Variants in NPR3 observed in about 807,000 individuals in gnomAD.
The protein encoded by NPR3 is natriuretic peptide receptor 3.
NPR3 carries 34 observed loss-of-function variants against 54.5 expected under a neutral mutation model. The observed-to-expected ratio is 0.62, with a 90% confidence interval of 0.47 to 0.83. The LOEUF (loss-of-function observed/expected upper bound fraction) is 0.83. Among genes scored for constraint, NPR3 ranks in the 40% least tolerant of loss-of-function variants. The pLI, the probability that NPR3 is intolerant of heterozygous loss-of-function variation, is 0.00. For missense variants in NPR3, 674 were observed against 720.8 expected (o/e 0.94, Z 0.74); for synonymous variants, 289 against 297.1 (o/e 0.97, Z 0.28).
chr5:32,785,002 A>G (rs928847784), intron 7 of NPR3, 119 bp downstream of exon 7: 6 of 823,680 alleles, frequency 7.3e-6, no homozygotes, highest in African/African-American at 1.7e-5. Context: ...CACGGTGGTT[A>G]AAAAATCTCA....
intron 3 of NPR3, among the ~76,000 whole-genome samples, chr5:32,767,867 A>T (rs1398153687): frequency 1.3e-5 from 2 of 152,226 alleles, no homozygotes; most frequent in African/African-American, 2.4e-5. Context: ...GGACAAGTTT[A>T]AGAGGGTATC....
upstream of NPR3, among the ~76,000 whole-genome samples, chr5:32,707,996 TAAAA>T (rs58410343): frequency 1.1e-3 from 140 of 131,482 alleles, no homozygotes; most frequent in South Asian, 1.8e-3. Flanking sequence ...GTAGTAGCTT[TAAAA>T]AAAAAAAAAA....
At chr5:32,721,580 G>A (rs1438233221) in intron 1 of NPR3, among the ~76,000 whole-genome samples, 1 of 152,204 alleles carries the variant, frequency 6.6e-6, no homozygotes, top group South Asian at 2.1e-4. Flanking sequence ...AGGAGATGGA[G>A]GTTGCAGTGA....
At chr5:32,733,200 T>C (rs1233626948) in intron 2 of NPR3, among the ~76,000 whole-genome samples, 6 of 152,134 alleles carry the variant, frequency 3.9e-5, no homozygotes, top group Non-Finnish European at 7.4e-5. Context: ...AAAAAACATA[T>C]TGATAGTGCG....
chr5:32,771,523 G>A (rs1741761377), intron 3 of NPR3, among the ~76,000 whole-genome samples: 2 of 152,108 alleles, frequency 1.3e-5, no homozygotes, highest in Admixed American at 6.6e-5. Flanking sequence ...CAGCTCAGAG[G>A]GCATGTCAAG....
intron 2 of NPR3, among the ~76,000 whole-genome samples, chr5:32,729,601 C>G (rs914417753): frequency 6.6e-6 from 1 of 152,172 alleles, no homozygotes; most frequent in Non-Finnish European, 1.5e-5. Flanking sequence ...AGATAGCTTA[C>G]TACACACCTA....
chr5:32,716,568 C>T, intron 1 of NPR3: 2 of 370,602 alleles, frequency 5.4e-6, no homozygotes, highest in Non-Finnish European at 5.3e-6. Context: ...CTATGGATTG[C>T]CCTATTTGAA....
intron 1 of NPR3, among the ~76,000 whole-genome samples, chr5:32,702,568 G>A (rs1207585632): frequency 1.6e-4 from 24 of 151,866 alleles, no homozygotes; most frequent in South Asian, 4.2e-4. Flanking sequence ...AATTTCATCC[G>A]TGTCCCTACA....
At chr5:32,712,962 C>T (rs1738341474) in intron 1 of NPR3, among the ~76,000 whole-genome samples, 1 of 152,190 alleles carries the variant, frequency 6.6e-6, no homozygotes, top group Admixed American at 6.5e-5. Context: ...CCAGCGTGCG[C>T]CCCCACTTAG....
At chr5:32,744,828 C>T (rs376982927) in intron 3 of NPR3, among the ~76,000 whole-genome samples, 2 of 152,118 alleles carry the variant, frequency 1.3e-5, no homozygotes, top group Admixed American at 6.5e-5. Context: ...AATTACACAC[C>T]GATGTGTGGG....
intron 3 of NPR3, among the ~76,000 whole-genome samples, chr5:32,743,312 T>C (rs1460769325): frequency 6.6e-6 from 1 of 152,204 alleles, no homozygotes; most frequent in Non-Finnish European, 1.5e-5. Context: ...TGGAAAATTA[T>C]AAGATCACAA....
intron 3 of NPR3, among the ~76,000 whole-genome samples, chr5:32,739,696 A>G (rs909406700): frequency 1.3e-5 from 2 of 152,026 alleles, no homozygotes; most frequent in African/African-American, 4.8e-5. Flanking sequence ...AGCTGACCAC[A>G]CCTCATTTGG....
At chr5:32,752,207 CCAAAAACAAAAACAAAAA>C (rs58111360) in intron 3 of NPR3, among the ~76,000 whole-genome samples, 7,155 of 149,912 alleles carry the variant, frequency 0.048, 609 homozygotes, top group African/African-American at 0.17. Flanking sequence ...TCCTCCACCT[CCAAAAACAAAAACAAAAA>C]CAAAAACAAA....
intron 3 of NPR3, among the ~76,000 whole-genome samples, chr5:32,772,948 CGAAATATCTGCTTCCGGGATGCAAACAG>C: frequency 6.6e-6 from 1 of 152,280 alleles, no homozygotes; most frequent in East Asian, 1.9e-4. Context: ...TTGGCAAACA[CGAAATATCTGCTTCCGGGATGCAAACAG>C]GAGTCCCCAT....
Position 32,695,202 on chromosome 5 carries a change from C to T in NPR3, c.100+6016C>T, listed in dbSNP as rs189666888. Reference sequence around the variant, plus strand: ...GATATCTCTTCAGTGTACTGATTTCCTTTCTTTTGGGTATATACCCAACAG... The same window carrying T: ...GATATCTCTTCAGTGTACTGATTTCTTTTCTTTTGGGTATATACCCAACAG... On this transcript the variant is annotated intron_variant, in intron 1 of 5. Transcript: ENST00000509104. Among the ~76,000 whole-genome samples the T allele has an allele frequency of 1.6e-3, 248 of 152,344 alleles. 3 individuals carry two copies. The highest frequency in any genetic ancestry group is 5.9e-3 in the African/African-American group (245 of 41,570).
At position 32,738,970 on chromosome 5, in the gene NPR3, G is replaced by A; in HGVS notation, c.999G>A (p.Glu333=). ...TLLRTVKPEF[E]KFSMEVKSSV... ...TGAGGACAGTGAAACCTGAGTTTGA[G>A]AAGTTTTCCATGGAGGTGAAAAGTT... The change falls in exon 3 of 8, where the codon GAG becomes GAA. Residue 333 remains glutamate (E), a synonymous_variant. Transcript: ENST00000265074. 6.2e-7 allele frequency: 1 copy of A among 1,614,002 alleles called. No homozygotes were observed. The highest frequency in any genetic ancestry group is 8.5e-7 in the Non-Finnish European group (1 of 1,179,878).
chr5:32,746,443 C>A (rs1740305677), intron 3 of NPR3, among the ~76,000 whole-genome samples: 1 of 152,202 alleles, frequency 6.6e-6, no homozygotes, highest in East Asian at 1.9e-4. Context: ...TGTCCTGAAC[C>A]CTGTTTATTC....
intron 6 of NPR3, chr5:32,783,257 T>A: frequency 2.3e-6 from 1 of 428,208 alleles, no homozygotes; most frequent in Non-Finnish European, 4.1e-6. Context: ...TTTTTACATC[T>A]CTTACTATAA....
chr5:32,769,887 T>C (rs1741663020), intron 3 of NPR3, among the ~76,000 whole-genome samples: 1 of 152,196 alleles, frequency 6.6e-6, no homozygotes, highest in African/African-American at 2.4e-5. Flanking sequence ...TGAATTTGTG[T>C]CTCCAGAAAG....
Sources: allele counts gnomAD v4.1 joint callset (sites outside exome capture counted in the v4.1 genomes callset), GRCh38; gene constraint gnomAD v4.1.1; transcripts MANE v1.5; gene names NCBI Gene and HGNC (gene_info 2026-07-23, HGNC 2026-07-21).